The following RASA2 variants were observed in gnomAD, a reference collection of about 807,000 sequenced individuals.
RASA2 encodes ras GTPase-activating protein 2.
Under a neutral mutation model 118.2 loss-of-function variants are expected in RASA2, and 155 were observed. The ratio of observed to expected loss-of-function variants is 1.31; its 90% CI spans 1.15 to 1.50. The LOEUF (loss-of-function observed/expected upper bound fraction) is 1.50. RASA2 is among the 40% of genes most tolerant of loss of function. The pLI, the probability that RASA2 is intolerant of heterozygous loss-of-function variation, is 0.00. For missense variants in RASA2, 1,016 were observed against 1,009.6 expected, an observed-to-expected ratio of 1.01 and a Z score of -0.09; for synonymous variants, 353 against 349.1, an observed-to-expected ratio of 1.01 and a Z score of -0.12.
intron 5 of RASA2, among the ~76,000 whole-genome samples, 179 bp from the exon 6 acceptor site, chr3:141,553,678 A>G (rs2082605813): frequency 6.6e-6 from 1 of 152,204 alleles, no homozygotes; most frequent in African/African-American, 2.4e-5. Flanking sequence ...AAAAATGCAT[A>G]CATACATATG....
At chr3:141,498,621 T>C (rs2081735930) in intron 1 of RASA2, among the ~76,000 whole-genome samples, 1 of 152,130 alleles carries the variant, frequency 6.6e-6, no homozygotes, top group South Asian at 2.1e-4. Context: ...CTCATGGGTG[T>C]AACTTCTTTA....
intron 19 of RASA2, among the ~76,000 whole-genome samples, chr3:141,592,381 T>C (rs1472509873): frequency 6.6e-6 from 1 of 151,976 alleles, no homozygotes; most frequent in Non-Finnish European, 1.5e-5. Context: ...GGCTGGAAAA[T>C]TGAAGAAGAG....
chr3:141,598,543 T>C (rs190389938), intron 19 of RASA2, among the ~76,000 whole-genome samples: 44 of 152,342 alleles, frequency 2.9e-4, no homozygotes, highest in African/African-American at 9.4e-4. Flanking sequence ...ACTGAAGATT[T>C]TAGCCAATGC....
intron 4 of RASA2, among the ~76,000 whole-genome samples, chr3:141,534,818 C>T (rs2082306064): frequency 6.6e-6 from 1 of 151,648 alleles, no homozygotes; most frequent in Non-Finnish European, 1.5e-5. Context: ...TTAAATACTT[C>T]TTTAAGGAGA....
In RASA2 at chr3:141,487,069, G is replaced by GGGCCGGGCGGCACC. The variant is rs2081584471; in HGVS notation, c.-14_-1dup. ...TACGCAGGCGGCAGGGCTGCGGCAC[G>GGGCCGGGCGGCACC]GGCCGGGCGGCACCATGGCGGCGGC... On this transcript the variant is annotated 5_prime_UTR_variant, in exon 1 of 24. Transcript: ENST00000286364. The GGGCCGGGCGGCACC allele has an allele frequency of 2.4e-6, 3 of 1,261,914 alleles. No individual in the cohort carries two copies. Among genetic ancestry groups the GGGCCGGGCGGCACC allele is most frequent in the African/African-American group, 1.6e-5 (1 of 62,724 alleles). The allele number at this position is 1,261,914 out of a possible 1,614,324, so 78.2% of individuals were successfully genotyped here.
At chr3:141,585,957 A>C in intron 17 of RASA2, 68 bp from the exon 18 acceptor site, 3 of 1,271,260 alleles carry the variant, frequency 2.4e-6, no homozygotes, top group Admixed American at 2.3e-5. Flanking sequence ...AATGACATGT[A>C]AGATAAACTG....
intron 9 of RASA2, among the ~76,000 whole-genome samples, chr3:141,568,815 A>G (rs1054683917): frequency 2.0e-5 from 3 of 152,108 alleles, no homozygotes; most frequent in African/African-American, 7.2e-5. Context: ...GTTATTTCTG[A>G]AAATAAATTT....
intron 11 of RASA2, 63 bp from the exon 12 acceptor site, chr3:141,572,546 T>C: frequency 3.5e-6 from 4 of 1,145,730 alleles, no homozygotes; most frequent in Non-Finnish European, 5.3e-6. Flanking sequence ...TGGTCAAGTA[T>C]GTTATATTAT....
At chr3:141,596,460 T>A (rs1436429895) in intron 19 of RASA2, among the ~76,000 whole-genome samples, 1 of 152,196 alleles carries the variant, frequency 6.6e-6, no homozygotes, top group African/African-American at 2.4e-5. Context: ...AAATGTATGG[T>A]CTATAAAAGA....
At chr3:141,597,229 T>C (rs2083387647) in intron 19 of RASA2, among the ~76,000 whole-genome samples, 1 of 152,138 alleles carries the variant, frequency 6.6e-6, no homozygotes, top group African/African-American at 2.4e-5. Context: ...GGTGAAACCC[T>C]GTCTCTACAA....
At chr3:141,552,207 C>T (rs891727573) in intron 5 of RASA2, among the ~76,000 whole-genome samples, 8 of 151,866 alleles carry the variant, frequency 5.3e-5, no homozygotes, top group African/African-American at 1.9e-4. Flanking sequence ...CTGCATTTTC[C>T]TCTGCTTTTT....
intron 4 of RASA2, among the ~76,000 whole-genome samples, chr3:141,531,714 A>T (rs2082263432): frequency 6.6e-6 from 1 of 152,012 alleles, no homozygotes; most frequent in South Asian, 2.1e-4. Context: ...TTTGTCTTAA[A>T]TGATACTTAC....
Position 141,580,377 on chromosome 3 carries a change from A to C in RASA2, c.1600A>C (p.Thr534Pro), listed in dbSNP as rs752973837. The change falls in exon 16 of 24, where the codon ACA becomes CCA. Residue 534 changes from threonine to proline, a missense_variant. Coordinates refer to ENST00000286364, the MANE Select transcript of RASA2 (RefSeq NM_006506.5). ...HLRPHHPDAQ[T>P]IRTLTLISKT... ...TTTTTACATTCTTTAGGATGCACAG[A>C]CAATTAGAACATTAACTCTCATCTC... 1 of 1,604,274 alleles carries C rather than the reference A, an allele frequency of 6.2e-7. No individual in the cohort carries two copies. The highest frequency in any genetic ancestry group is 8.5e-7 in the Non-Finnish European group (1 of 1,173,488).
At chr3:141,568,201 T>C (rs1159998790) in intron 9 of RASA2, among the ~76,000 whole-genome samples, 2 of 152,106 alleles carry the variant, frequency 1.3e-5, no homozygotes, top group African/African-American at 4.8e-5. Flanking sequence ...TATGTACCCG[T>C]TAAAAAGAAC....
In RASA2 at chr3:141,528,737, G is replaced by C. The variant is rs774375834; in HGVS notation, c.356-971G>C. The stretch of plus-strand genomic sequence containing the variant: ...TTTCACTTGATATACAAAAGTTGAC[G>C]TATCTTGACAGAAAAATTTCTTTAC... On this transcript the variant is annotated intron_variant, in intron 3 of 23. Coordinates refer to ENST00000286364, the MANE Select transcript of RASA2 (RefSeq NM_006506.5). 2.0e-5 allele frequency among the ~76,000 whole-genome samples: 3 copies of C among 151,762 alleles called. No individual in the cohort carries two copies. The East Asian group carries it at 5.8e-4, about 29-fold the overall frequency.
chr3:141,572,805 AT>A (rs2082945783), intron 12 of RASA2, 82 bp downstream of exon 12: 1 of 1,079,802 alleles, frequency 9.3e-7, no homozygotes, highest in Admixed American at 2.5e-5. Context: ...GATGGGAAGG[AT>A]TTATTCATTC....
Position 141,518,482 on chromosome 3 carries a change from C to CAAAAAAAA in RASA2, c.355+2080_355+2087dup, listed in dbSNP as rs777543417. Reference sequence around the variant, plus strand: ...TCGGCAACAGAGCAAGACACCATCTCAAAAAAAAAAAAAAAAAAAAAAAAA... The same window carrying CAAAAAAAA: ...TCGGCAACAGAGCAAGACACCATCTCAAAAAAAAAAAAAAAAAAAAAAAAAAAAAAAAA... On this transcript the variant is annotated intron_variant, in intron 3 of 23. Transcript: ENST00000286364. 7.4e-4 allele frequency among the ~76,000 whole-genome samples: 20 copies of CAAAAAAAA among 27,048 alleles called. 1 individual carries two copies. The highest frequency in any genetic ancestry group is 1.1e-3 in the African/African-American group (8 of 7,514). The allele number at this position is 27,048 out of a possible 152,430, so 17.7% of individuals were successfully genotyped here. A position where few individuals can be genotyped will look rare whatever the true frequency, so the allele number is the denominator to read the frequency against.
intron 9 of RASA2, among the ~76,000 whole-genome samples, chr3:141,570,664 T>G (rs2082903740): frequency 6.6e-6 from 1 of 152,242 alleles, no homozygotes; most frequent in African/African-American, 2.4e-5. Flanking sequence ...TCAACTCCTT[T>G]GAGATCTTAA....
intron 17 of RASA2, among the ~76,000 whole-genome samples, chr3:141,582,218 G>C (rs1413576564): frequency 2.0e-5 from 3 of 152,146 alleles, no homozygotes; most frequent in African/African-American, 7.2e-5. Flanking sequence ...TTCTTACAGA[G>C]ACTTAGTAAG....
Sources: gnomAD v4.1 joint callset for allele counts (sites outside exome capture counted in the v4.1 genomes callset) on GRCh38, gnomAD v4.1.1 for gene constraint, MANE v1.5 for transcripts, NCBI Gene and HGNC (gene_info 2026-07-23, HGNC 2026-07-21) for gene names.